The following MARF1 variants were observed in gnomAD, a reference collection of about 807,000 sequenced individuals.
MARF1 encodes the protein limkain-b1.
A neutral mutation model predicts 168.2 loss-of-function variants in MARF1; 24 were observed. The observed-to-expected ratio is 0.14, with a 90% CI of 0.10 to 0.20. The LOEUF is 0.20. MARF1 is among the 10% of genes least tolerant of loss of function. The pLI is 1.00. For synonymous variants in MARF1, 868 were observed against 822.4 expected (o/e 1.06, Z -0.95); for missense variants, 1,744 against 2,143.6 (o/e 0.81, Z 3.68).
chr16:15,609,418 T>TAG (rs1367689196), intron 20 of MARF1, 105 bp downstream of exon 20: 15 of 886,370 alleles, frequency 1.7e-5, no homozygotes, highest in Admixed American at 2.8e-5. Flanking sequence ...TTCATCCTCT[T>TAG]TCGTAACTCC....
intron 21 of MARF1, among the ~76,000 whole-genome samples, chr16:15,604,601 C>T (rs2032840591): frequency 1.3e-5 from 2 of 152,138 alleles, no homozygotes; most frequent in South Asian, 4.1e-4. Context: ...AACTGTCCTC[C>T]CCCTGCCGGT....
rs892348370 is a variant in MARF1 at position 15,638,534 on chromosome 16, C to T, written c.144+556G>A. 7.2e-5 allele frequency among the ~76,000 whole-genome samples: 11 copies of T among 151,778 alleles called. No homozygotes were observed. In the East Asian group the frequency reaches 2.1e-3, roughly 29 times the overall value. On this transcript the variant is annotated intron_variant, in intron 2 of 26. Transcript: ENST00000396368. ...CTGGGAGGCAGAGGTTGCAATGAGC[C>T]GAGATCGCACCACTGCACTCCAGCC... is the stretch of plus-strand genomic sequence containing the variant.
rs12919429 is a variant in MARF1 at position 15,630,629 on chromosome 16, C to T, written c.1352-125G>A. 5.1e-3 allele frequency: 3,999 copies of T among 781,634 alleles called. 34 individuals are homozygous for T. The highest frequency in any genetic ancestry group is 0.022 in the South Asian group (654 of 29,892). 48.4% of individuals were successfully genotyped at this position (781,634 alleles called of 1,614,324 possible). ...TGGACTATATTCAAAATTGCTTCCC[C>T]CGTTTCTTAGGAAAGAAACACGTTT... On this transcript the variant is annotated intron_variant, in intron 6 of 26. Coordinates refer to ENST00000396368, the MANE Select transcript of MARF1 (RefSeq NM_014647.4).
At chr16:15,633,177 A>AAAACAC (rs769701699) in intron 5 of MARF1, among the ~76,000 whole-genome samples, 8 of 129,148 alleles carry the variant, frequency 6.2e-5, no homozygotes, top group African/African-American at 2.1e-4. Context: ...AAAAAACACC[A>AAAACAC]CACACACACA....
intron 25 of MARF1, 141 bp from the exon 26 acceptor site, chr16:15,599,165 A>C (rs766886864): frequency 4.0e-5 from 32 of 796,772 alleles, no homozygotes; most frequent in South Asian, 8.2e-5. Flanking sequence ...AAAAAAAAAA[A>C]AAAAAAAAAA....
intron 13 of MARF1, among the ~76,000 whole-genome samples, chr16:15,619,657 A>C (rs2034308529): frequency 6.6e-6 from 1 of 152,162 alleles, no homozygotes; most frequent in Non-Finnish European, 1.5e-5. Flanking sequence ...AGGATTCACG[A>C]GCATTTTCTC....
chr16:15,598,772 C>T (rs568895318), intron 26 of MARF1, 82 bp downstream of exon 26: 24 of 1,372,832 alleles, frequency 1.7e-5, no homozygotes, highest in Middle Eastern at 4.5e-4. Flanking sequence ...TTCCCACCTC[C>T]GTCATTTACT....
In MARF1 at chr16:15,633,743, T is replaced by C. The variant is rs747352721; in HGVS notation, c.1107A>G (p.Ser369=). ...GGATTCTTTGCACAACAGCAGTTGC[T>C]GACCGGCCAGAGGGAACGGAGCAGT... ...IENCSVPSGR[S]ATAVVQRIRE... The change falls in exon 5 of 27, where the codon TCA becomes TCG. Residue 369 remains serine, a synonymous_variant. Transcript: ENST00000396368. 3 of 1,614,196 alleles carry C rather than the reference T, an allele frequency of 1.9e-6. No individual in the cohort carries two copies. Among genetic ancestry groups the C allele is most frequent in the Non-Finnish European group, 2.5e-6 (3 of 1,180,028 alleles).
chr16:15,615,339 G>C (rs1464610639), intron 16 of MARF1, among the ~76,000 whole-genome samples: 1 of 151,992 alleles, frequency 6.6e-6, no homozygotes, highest in Non-Finnish European at 1.5e-5. Flanking sequence ...AAAAAACAAA[G>C]TCTAGGCCGG....
At chr16:15,600,301 A>C in intron 25 of MARF1, 127 bp downstream of exon 25, 2 of 1,251,690 alleles carry the variant, frequency 1.6e-6, no homozygotes, top group Non-Finnish European at 2.2e-6. Context: ...GCTTTGAAAA[A>C]TGTGTGGCTA....
In MARF1 at chr16:15,633,493, C is replaced by T. The variant is rs1596499491; in HGVS notation, c.1233+124G>A. 8.7e-5 allele frequency: 60 copies of T among 687,340 alleles called. 1 individual carries two copies. In the South Asian group the frequency reaches 1.2e-3, roughly 14 times the overall value. The allele number at this position is 687,340 out of a possible 1,614,324, so 42.6% of individuals were successfully genotyped here. On this transcript the variant is annotated intron_variant, in intron 5 of 26. Coordinates refer to ENST00000396368, the MANE Select transcript of MARF1 (RefSeq NM_014647.4). The stretch of plus-strand genomic sequence containing the variant: ...TCCCAGGGTTCGAGGCTGCAGGGAG[C>T]CATGAATGCGTCACTGCACTCCAGC...
At position 15,596,619 on chromosome 16, in the gene MARF1, T is replaced by C; in HGVS notation, c.*74A>G. 7.0e-7 allele frequency: 1 copy of C among 1,431,096 alleles called. No individual in the cohort carries two copies. The highest frequency in any genetic ancestry group is 9.3e-7 in the Non-Finnish European group (1 of 1,073,680). 88.6% of individuals were successfully genotyped at this position (1,431,096 alleles called of 1,614,324 possible). A position where few individuals can be genotyped will look rare whatever the true frequency, so the allele number is the denominator to read the frequency against. ...GGTTTTCATGACACAGAAAAGGATGTATTTTTGAAACCCACTTTTGTGTGC... is the reference window on the plus strand; with the variant it reads ...GGTTTTCATGACACAGAAAAGGATGCATTTTTGAAACCCACTTTTGTGTGC... On this transcript the variant is annotated 3_prime_UTR_variant, in exon 27 of 27. Coordinates refer to ENST00000396368, the MANE Select transcript of MARF1 (RefSeq NM_014647.4).
rs552054809 is a variant in MARF1 at position 15,596,726 on chromosome 16, G to A, written c.5196C>T (p.Ala1732=). ...TGGTTATAGGTGCTAAGGAAAAGTT[G>A]GCTGCCAATTTGACTCTATTTTTGG... ...KQPKNRVKLA[A]NFSLAPITKL is the part of the protein sequence containing the mutation. Residue 1732 remains alanine (A), a synonymous_variant, in exon 27 of 27, where the codon GCC becomes GCT. Transcript: ENST00000396368. 6 of 1,606,954 alleles carry A rather than the reference G, an allele frequency of 3.7e-6. No individual in the cohort carries two copies. The African/African-American group carries it at 6.7e-5, about 18-fold the overall frequency.
Position 15,636,130 on chromosome 16 carries a change from A to G in MARF1, c.357T>C (p.Gly119=), listed in dbSNP as rs751448757. Residue 119 remains glycine (G), a synonymous_variant, in exon 3 of 27, where the codon GGT becomes GGC. Coordinates refer to ENST00000396368, the MANE Select transcript of MARF1 (RefSeq NM_014647.4). ...TACTGGTACCTCCGCTACCGCCACC[A>G]CCACCACCAAAACGCATTGGCGAAG... ...PSTSPMRFGG[G]GGGSGGTSSL... 76 of 1,614,128 alleles carry G rather than the reference A, an allele frequency of 4.7e-5. 4 individuals carry two copies. The South Asian group carries it at 7.9e-4, about 17-fold the overall frequency.
At chr16:15,641,357 T>C (rs2035939860) in intron 1 of MARF1, among the ~76,000 whole-genome samples, 1 of 152,202 alleles carries the variant, frequency 6.6e-6, no homozygotes, top group Admixed American at 6.5e-5. Flanking sequence ...ATTCTTGTCT[T>C]TCCTATTAGA....
chr16:15,609,367 G>C (rs574647035), intron 20 of MARF1, among the ~76,000 whole-genome samples, 156 bp downstream of exon 20: 1 of 152,102 alleles, frequency 6.6e-6, no homozygotes, highest in Non-Finnish European at 1.5e-5. Context: ...AAATACTAAT[G>C]AGTCAGGAAT....
rs764521252 is a variant in MARF1, at chr16:15,624,740, AC to A, written c.2270+28del. 1.2e-5 allele frequency: 20 copies of A among 1,600,208 alleles called. 2 individuals carry two copies. The South Asian group carries it at 2.2e-4, about 18-fold the overall frequency. ...ATAATCCTTCCTATTACATGTAACC[AC>A]CCCCATGGGTCAAGAAGCTGGACTC... On this transcript the variant is annotated intron_variant, in intron 10 of 26. Transcript: ENST00000396368.
intron 1 of MARF1, among the ~76,000 whole-genome samples, chr16:15,640,460 T>C (rs2035876039): frequency 6.6e-6 from 1 of 152,168 alleles, no homozygotes; most frequent in Non-Finnish European, 1.5e-5. Context: ...TCCCAGCACT[T>C]TGGGAGGCCA....
intron 1 of MARF1, chr16:15,642,414 G>C (rs1344457333): frequency 3.3e-5 from 5 of 152,212 alleles, no homozygotes; most frequent in African/African-American, 1.2e-4. Flanking sequence ...TAGGAAAACA[G>C]TTTAGGTTTC....
Sources: gnomAD v4.1 joint callset for allele counts (sites outside exome capture counted in the v4.1 genomes callset) on GRCh38, gnomAD v4.1.1 for gene constraint, MANE v1.5 for transcripts, NCBI Gene and HGNC (gene_info 2026-07-23, HGNC 2026-07-21) for gene names.